Variants in OSBPL3 observed in about 807,000 individuals in gnomAD.
OSBPL3 encodes oxysterol-binding protein-related protein 3.
In OSBPL3, 65 loss-of-function variants were observed where a neutral mutation model predicts 120.1. That is an observed-to-expected ratio of 0.54 (90% CI 0.44 to 0.67). OSBPL3 has a LOEUF of 0.67. Among genes scored for constraint, OSBPL3 ranks in the 30% least tolerant of loss-of-function variants. The pLI is 0.00. For missense variants in OSBPL3, 1,004 were observed against 1,082.1 expected (o/e 0.93, Z 1.01); for synonymous variants, 416 against 402.6 (o/e 1.03, Z -0.40).
chr7:24,844,869 A>G (rs565958787), intron 12 of OSBPL3, among the ~76,000 whole-genome samples: 1 of 152,202 alleles, frequency 6.6e-6, no homozygotes, highest in Non-Finnish European at 1.5e-5. Flanking sequence ...TGGGATAAAC[A>G]GTCTACATAT....
At chr7:24,856,286 G>T (rs935669738) in intron 10 of OSBPL3, among the ~76,000 whole-genome samples, 3 of 152,060 alleles carry the variant, frequency 2.0e-5, no homozygotes, top group African/African-American at 7.2e-5. Context: ...GTGACTCTTG[G>T]TGGTCACTAC....
intron 1 of OSBPL3, among the ~76,000 whole-genome samples, chr7:24,911,349 G>A (rs1808795233): frequency 6.6e-6 from 1 of 152,126 alleles, no homozygotes; most frequent in Non-Finnish European, 1.5e-5. Context: ...GCAACCACAG[G>A]CAGCATTTCA....
rs1792508058 is a variant in OSBPL3 at position 24,802,600 on chromosome 7, T to C, written c.2567+1715A>G. Among the ~76,000 whole-genome samples, 2 of 152,228 alleles carry C rather than the reference T, an allele frequency of 1.3e-5. No individual in the cohort carries two copies. The highest frequency in any genetic ancestry group is 1.3e-4 in the Admixed American group (2 of 15,282). Reference sequence around the variant, plus strand: ...TTCCAGCAGAGCTCCACAGGCTTCGTAAGGTCATCCTTAATGCCTCATGTT... The same window carrying C: ...TTCCAGCAGAGCTCCACAGGCTTCGCAAGGTCATCCTTAATGCCTCATGTT... On this transcript the variant is annotated intron_variant, in intron 22 of 22. Coordinates refer to ENST00000313367, the MANE Select transcript of OSBPL3 (RefSeq NM_015550.4). This position sits in a 1 kb window ranked among gnomAD's most constrained non-coding sequence, Gnocchi z 4.1.
In OSBPL3 at chr7:24,830,680, G is replaced by GA; in HGVS notation, c.1884+87dup. The GA allele has an allele frequency of 3.2e-6, 4 of 1,264,382 alleles. No homozygotes were observed. The highest frequency in any genetic ancestry group is 4.4e-6 in the Non-Finnish European group (4 of 907,668). 78.3% of individuals were successfully genotyped at this position (1,264,382 alleles called of 1,614,324 possible). ...TTATCTCGGCTGCTTTGAAGCCAGT[G>GA]AAAGGTGGAAGATAAATATTTCAGA... On this transcript the variant is annotated intron_variant, in intron 16 of 22. Transcript: ENST00000313367. This position sits in a 1 kb window ranked among gnomAD's most constrained non-coding sequence, Gnocchi z 4.4.
At chr7:24,957,741 G>A (rs1315988506) in intron 1 of OSBPL3, among the ~76,000 whole-genome samples, 2 of 151,950 alleles carry the variant, frequency 1.3e-5, no homozygotes, top group Non-Finnish European at 2.9e-5. Context: ...AAGGAGGGAG[G>A]GCACTCAGAT....
rs758990510 is a variant in OSBPL3 at position 24,852,540 on chromosome 7, A to C, written c.1122T>G (p.Ser374=). 6.2e-7 allele frequency: 1 copy of C among 1,604,876 alleles called. No homozygotes were observed. The highest frequency in any genetic ancestry group is 8.5e-7 in the Non-Finnish European group (1 of 1,177,970). The part of the protein sequence containing the change: ...LMEQDASSSP[S]AQVIGLKNAL... Reference sequence around the variant, plus strand: ...CGTTCTTCAGACCAATGACCTGAGCAGACGGGGAGGAGGAGGCATCCTGCT... The same window carrying C: ...CGTTCTTCAGACCAATGACCTGAGCCGACGGGGAGGAGGAGGCATCCTGCT... Residue 374 remains serine (S), a synonymous_variant, in exon 11 of 23, where the codon TCT becomes TCG. Transcript: ENST00000313367. The surrounding 1 kb of genome is among the most constrained non-coding windows in gnomAD (Gnocchi z 4.1).
chr7:24,870,138 A>G (rs919637049), intron 5 of OSBPL3, among the ~76,000 whole-genome samples: 1 of 152,244 alleles, frequency 6.6e-6, no homozygotes, highest in African/African-American at 2.4e-5. Flanking sequence ...TTCAATGGCT[A>G]GTGAGTAGCC....
chr7:24,978,401 G>A (rs1251814384), intron 1 of OSBPL3, among the ~76,000 whole-genome samples: 1 of 152,188 alleles, frequency 6.6e-6, no homozygotes, highest in Non-Finnish European at 1.5e-5. Context: ...AGACAGACAA[G>A]GTCTCTGCAT....
Position 24,798,195 on chromosome 7 carries a change from G to A in OSBPL3, c.*1988C>T, listed in dbSNP as rs947910251. The A allele has an allele frequency of 2.6e-5, 4 of 152,182 alleles. No homozygotes were observed. The highest frequency in any genetic ancestry group is 7.2e-5 in the African/African-American group (3 of 41,444). 9.4% of individuals were successfully genotyped at this position (152,182 alleles called of 1,614,324 possible). Reference sequence around the variant, plus strand: ...CATAAGGGCAAGTGAAATAACATTAGGATAATTAAAGATTTTCCAAATGCC... The same window carrying A: ...CATAAGGGCAAGTGAAATAACATTAAGATAATTAAAGATTTTCCAAATGCC... On this transcript the variant is annotated 3_prime_UTR_variant, in exon 23 of 23. Coordinates refer to ENST00000313367, the MANE Select transcript of OSBPL3 (RefSeq NM_015550.4). The surrounding 1 kb of genome is among the most constrained non-coding windows in gnomAD (Gnocchi z 4.6).
intron 1 of OSBPL3, among the ~76,000 whole-genome samples, chr7:24,928,579 T>G (rs138190678): frequency 1.2e-3 from 176 of 152,266 alleles, no homozygotes; most frequent in African/African-American, 3.5e-3. Context: ...TACAGACTGA[T>G]GAGTTTGGAG....
rs995288995 is a variant in OSBPL3, at chr7:24,940,622, G to A, written c.-150+39264C>T. Among the ~76,000 whole-genome samples, 2 of 152,008 alleles carry A rather than the reference G, an allele frequency of 1.3e-5. No homozygotes were observed. Among genetic ancestry groups the A allele is most frequent in the African/African-American group, 2.4e-5 (1 of 41,374 alleles). ...AGCACCAGTGTTTGGCCACTGGAGC[G>A]GGCGGCTGAGGTGGTATGGGAGGTA... is the stretch of plus-strand genomic sequence containing the variant. On this transcript the variant is annotated intron_variant, in intron 1 of 22. Coordinates refer to ENST00000313367, the MANE Select transcript of OSBPL3 (RefSeq NM_015550.4). The surrounding 1 kb of genome is among the most constrained non-coding windows in gnomAD (Gnocchi z 4.4).
chr7:24,930,164 T>C lies in OSBPL3; in HGVS notation c.-149-37543A>G, dbSNP rs1262959314. Among the ~76,000 whole-genome samples the C allele has an allele frequency of 6.6e-6, 1 of 152,216 alleles. No homozygotes were observed. Among genetic ancestry groups the C allele is most frequent in the African/African-American group, 2.4e-5 (1 of 41,458 alleles). ...AAAGGTTAATGACCAACTGAATTGATGGCTTTATTCTTCTAATTAACTAAT... is the reference window on the plus strand; with the variant it reads ...AAAGGTTAATGACCAACTGAATTGACGGCTTTATTCTTCTAATTAACTAAT... On this transcript the variant is annotated intron_variant, in intron 1 of 22. Transcript: ENST00000313367. The surrounding 1 kb of genome is among the most constrained non-coding windows in gnomAD (Gnocchi z 4.4).
Position 24,871,755 on chromosome 7 carries a change from T to C in OSBPL3, c.254A>G (p.Lys85Arg), listed in dbSNP as rs948827547. 1.2e-6 allele frequency: 2 copies of C among 1,613,232 alleles called. No homozygotes were observed. The highest frequency in any genetic ancestry group is 2.7e-5 in the African/African-American group (2 of 75,028). ...YLDKGILKYA[K>R]SQTDIEREKL... Reference sequence around the variant, plus strand: ...AAAAAGACTTACATCGGTTTGGCTCTTGGCATATTTCAAGATTCCTTTGTC... The same window carrying C: ...AAAAAGACTTACATCGGTTTGGCTCCTGGCATATTTCAAGATTCCTTTGTC... Residue 85 changes from lysine (K) to arginine (R), a missense_variant, in exon 4 of 23, where the codon AAG (lysine) becomes AGG (arginine). Coordinates refer to ENST00000313367, the MANE Select transcript of OSBPL3 (RefSeq NM_015550.4). This position sits in a 1 kb window ranked among gnomAD's most constrained non-coding sequence, Gnocchi z 4.8.
rs1340333036 is a variant in OSBPL3, at chr7:24,834,500, G to T, written c.1732C>A (p.Pro578Thr). 1 of 1,611,262 alleles carries T rather than the reference G, an allele frequency of 6.2e-7. No homozygotes were observed. Residue 578 changes from proline (P) to threonine (T), a missense_variant, in exon 15 of 23, where the codon CCC becomes ACC. By Grantham distance (38) the Pro-to-Thr change is conservative. Around this residue, in one of 4 missense-constraint regions of OSBPL3, gnomAD observed 473 missense variants for 568.0 expected, o/e 0.83. Transcript: ENST00000313367. This position sits in a 1 kb window ranked among gnomAD's most constrained non-coding sequence, Gnocchi z 5.2. The part of the protein sequence containing the change: ...LLDKAAQIPS[P>T]LERMVYVAAF... ...TGACTCCTCACCATCCTTTCCAGGGGGCTGGGAATCTGCGCGGCCTTGTCC... is the reference window on the plus strand; with the variant it reads ...TGACTCCTCACCATCCTTTCCAGGGTGCTGGGAATCTGCGCGGCCTTGTCC...
intron 2 of OSBPL3, among the ~76,000 whole-genome samples, chr7:24,880,753 T>C (rs1239281667): frequency 1.3e-5 from 2 of 152,172 alleles, no homozygotes; most frequent in Admixed American, 6.5e-5. Context: ...GACCCAGGTC[T>C]TTTGACTCCA....
chr7:24,935,988 T>C (rs1181802359), intron 1 of OSBPL3, among the ~76,000 whole-genome samples: 1 of 151,940 alleles, frequency 6.6e-6, no homozygotes, highest in Non-Finnish European at 1.5e-5. Context: ...ACCCATTAAC[T>C]TGTCATTTAG....
Position 24,855,212 on chromosome 7 carries a change from C to T in OSBPL3, c.1028-2578G>A, listed in dbSNP as rs1029918103. On this transcript the variant is annotated intron_variant, in intron 10 of 22. Transcript: ENST00000313367. The surrounding 1 kb of genome is among the most constrained non-coding windows in gnomAD (Gnocchi z 4.3). ...CCTGCCTGCCACACACACAGGATGC[C>T]CATGGCCATCTCAGTGGGTCCCCTG... Among the ~76,000 whole-genome samples the T allele has an allele frequency of 6.6e-6, 1 of 152,026 alleles. No individual in the cohort carries two copies. Among genetic ancestry groups the T allele is most frequent in the Admixed American group, 6.5e-5 (1 of 15,272 alleles).
Position 24,953,490 on chromosome 7 carries a change from A to T in OSBPL3, c.-150+26396T>A, listed in dbSNP as rs154. ...GCTGAATTGTAATCAGACTTGAATA[A>T]TCATCTTAAATAAAAGTTTATTAAT... On this transcript the variant is annotated intron_variant, in intron 1 of 22. Coordinates refer to ENST00000313367, the MANE Select transcript of OSBPL3 (RefSeq NM_015550.4). The surrounding 1 kb of genome is among the most constrained non-coding windows in gnomAD (Gnocchi z 4.3). Among the ~76,000 whole-genome samples, 128,940 of 152,244 alleles carry T rather than the reference A, an allele frequency of 0.85. 55,051 individuals carry two copies. Among genetic ancestry groups the T allele is most frequent in the African/African-American group, 0.95 (39,357 of 41,556 alleles).
chr7:24,885,023 C>T (rs1804285578), intron 2 of OSBPL3, among the ~76,000 whole-genome samples: 1 of 152,022 alleles, frequency 6.6e-6, no homozygotes, highest in Admixed American at 6.5e-5. Context: ...ATGGCTCACA[C>T]TTGTAATCCC....
Sources: gnomAD v4.1 joint callset for allele counts (sites outside exome capture counted in the v4.1 genomes callset) on GRCh38, gnomAD v4.1.1 for gene constraint, gnomAD v4.1.1 regional missense constraint, Gnocchi (gnomAD v3.1) non-coding constraint, MANE v1.5 for transcripts, NCBI Gene and HGNC (gene_info 2026-07-23, HGNC 2026-07-21) for gene names.